The following ANO1 variants were observed in gnomAD, a reference collection of about 807,000 sequenced individuals.
The protein encoded by ANO1 is anoctamin 1, also known as anoctamin-1.
In ANO1, 59 loss-of-function variants were observed where a neutral mutation model predicts 124.0. The observed-to-expected ratio is 0.48, with a 90% CI of 0.39 to 0.59. The LOEUF is 0.59. ANO1 is among the 20% of genes least tolerant of loss of function. The probability of loss-of-function intolerance (pLI) is 0.00; values close to 1 mark genes in which losing one functional copy is unlikely to be tolerated. For synonymous variants in ANO1, 529 were observed against 532.0 expected (o/e 0.99, Z 0.08); for missense variants, 1,059 against 1,328.0 (o/e 0.80, Z 3.15).
At chr11:70,107,291 A>G (rs2045586103) in intron 5 of ANO1, among the ~76,000 whole-genome samples, 1 of 152,110 alleles carries the variant, frequency 6.6e-6, no homozygotes, top group South Asian at 2.1e-4. Flanking sequence ...CTGAGCTAGA[A>G]GACAGAGCCA....
At chr11:70,110,463 G>A (rs1340060948) in intron 6 of ANO1, among the ~76,000 whole-genome samples, 1 of 152,170 alleles carries the variant, frequency 6.6e-6, no homozygotes, top group Non-Finnish European at 1.5e-5. Context: ...TGGGATTACA[G>A]GCGTGAGCCA....
chr11:69,974,237 T>G, the ANO1 span, among the ~76,000 whole-genome samples: 8 of 151,556 alleles, frequency 5.3e-5, no homozygotes, highest in African/African-American at 1.9e-4. Flanking sequence ...GAGAAACGCT[T>G]GAACCTGGGA....
At chr11:70,102,142 A>G (rs980162442) in intron 2 of ANO1, among the ~76,000 whole-genome samples, 2 of 152,222 alleles carry the variant, frequency 1.3e-5, no homozygotes, top group Non-Finnish European at 2.9e-5. Context: ...CGCTGGGGCC[A>G]TCTTTGCATC....
the ANO1 span, among the ~76,000 whole-genome samples, chr11:69,976,507 TAAAAAAAAAAAAAAAAAAAAAAAAAA>T: frequency 4.1e-3 from 304 of 74,182 alleles, 15 homozygotes; most frequent in African/African-American, 5.0e-3. Context: ...ACTCCGTCTC[TAAAAAAAAAAAAAAAAAAAAAAAAAA>T]AAAAAAAAAA....
chr11:70,005,111 T>C (rs1359486828), intron 1 of ANO1, among the ~76,000 whole-genome samples: 5 of 13,474 alleles, frequency 3.7e-4, no homozygotes, highest in Non-Finnish European at 6.7e-4. Context: ...AGATTCCAAC[T>C]CAAAAAAAAA....
intron 4 of ANO1, among the ~76,000 whole-genome samples, chr11:70,104,414 G>A (rs529675169): frequency 6.6e-6 from 1 of 152,294 alleles, no homozygotes; most frequent in Admixed American, 6.5e-5. Flanking sequence ...CCAAAGCAGT[G>A]GTCTAGACAT....
In ANO1 at chr11:70,144,554, A is replaced by G. The variant is rs557842960; in HGVS notation, c.1259-5156A>G. Among the ~76,000 whole-genome samples, 76 of 152,308 alleles carry G rather than the reference A, an allele frequency of 5.0e-4. No homozygotes were observed. The Middle Eastern group carries it at 0.014, about 27-fold the overall frequency. On this transcript the variant is annotated intron_variant, in intron 11 of 25. Transcript: ENST00000355303. ...TCAACTGCTGCCTCTGGACGCCTCT[A>G]TGAGGAGTTTGTGTGACTCTGTGCT...
chr11:70,061,236 C>T (rs1319144843), intron 1 of ANO1, among the ~76,000 whole-genome samples: 3 of 151,894 alleles, frequency 2.0e-5, no homozygotes, highest in Admixed American at 2.0e-4. Context: ...AGGATAGTGT[C>T]CTGCTGGGAA....
At chr11:70,045,836 T>C (rs1258489507) in intron 1 of ANO1, among the ~76,000 whole-genome samples, 1 of 152,150 alleles carries the variant, frequency 6.6e-6, no homozygotes, top group Non-Finnish European at 1.5e-5. Flanking sequence ...GTTAGAAAAA[T>C]TGAGAAAGAT....
At chr11:70,069,049 C>T (rs1400759984) in intron 1 of ANO1, among the ~76,000 whole-genome samples, 3 of 152,242 alleles carry the variant, frequency 2.0e-5, no homozygotes, top group East Asian at 3.8e-4. Flanking sequence ...TATCCCCCTC[C>T]ACAGGGTCCC....
Position 70,161,664 on chromosome 11 carries a change from T to C in ANO1, c.1823T>C (p.Phe608Ser), listed in dbSNP as rs2186797. Residue 608 changes from phenylalanine to serine, a missense_variant, in exon 18 of 26, where the codon TTC becomes TCC. Physicochemically the swap from Phe to Ser is radical, Grantham distance 155. Coordinates refer to ENST00000355303, the MANE Select transcript of ANO1 (RefSeq NM_018043.7). Reference protein sequence around the residue: ...TEKSFEERLIFKAFLLKFVNS... With the variant: ...TEKSFEERLISKAFLLKFVNS... ...AAAAGCTTTGAGGAGAGGCTGATCT[T>C]CAAGGCTTTCCTGCTGAAGTTTGTG... is the stretch of plus-strand genomic sequence containing the variant. 88,040 of 1,613,910 alleles carry C rather than the reference T, an allele frequency of 0.055. 2,815 individuals carry two copies. The highest frequency in any genetic ancestry group is 0.066 in the Non-Finnish European group (77,735 of 1,179,798).
chr11:70,076,517 A>G (rs74480296), upstream of ANO1, among the ~76,000 whole-genome samples: 2,700 of 152,176 alleles, frequency 0.018, 72 homozygotes, highest in African/African-American at 0.06. Context: ...AAGACAGTAC[A>G]TTAGTATTAC....
chr11:70,155,870 A>G (rs10751195), intron 14 of ANO1, 41 bp from the exon 15 acceptor site: 1,035,751 of 1,499,346 alleles, frequency 0.69, 358,895 homozygotes, highest in East Asian at 0.8. Context: ...GCCGCCTCCC[A>G]CTTCACCGCA....
At chr11:70,076,590 G>A (rs990350929), upstream of ANO1, among the ~76,000 whole-genome samples, 6 of 152,164 alleles carry the variant, frequency 3.9e-5, no homozygotes, top group Admixed American at 6.5e-5. Flanking sequence ...CTGTACATGC[G>A]TGTGGGATTC....
chr11:70,188,748 C>T lies in ANO1; in HGVS notation c.*744C>T, dbSNP rs17333347. The T allele has an allele frequency of 0.098, 14,929 of 152,244 alleles. 815 individuals are homozygous for T. Among genetic ancestry groups the T allele is most frequent in the Middle Eastern group, 0.2 (58 of 294 alleles). 9.4% of individuals were successfully genotyped at this position (152,244 alleles called of 1,614,324 possible). On this transcript the variant is annotated 3_prime_UTR_variant, in exon 26 of 26. Transcript: ENST00000355303. ...CCAAGCCGACCTCAGAGTTGTTCAT[C>T]TTCCTTATGGGACAAAACCGGTTGA...
chr11:70,061,867 T>G (rs1555007792), intron 1 of ANO1, among the ~76,000 whole-genome samples: 1 of 151,620 alleles, frequency 6.6e-6, no homozygotes. Context: ...TAGGGGAGGG[T>G]CTCTACCTCT....
chr11:70,145,866 G>A (rs2047352624), intron 11 of ANO1, among the ~76,000 whole-genome samples: 1 of 150,904 alleles, frequency 6.6e-6, no homozygotes, highest in African/African-American at 2.4e-5. Context: ...GAACTCAGGA[G>A]GCAGACGTTG....
intron 1 of ANO1, among the ~76,000 whole-genome samples, chr11:70,082,902 G>A (rs2044246422): frequency 6.6e-6 from 1 of 152,198 alleles, no homozygotes; most frequent in Non-Finnish European, 1.5e-5. Context: ...CTTTTAGAGT[G>A]TAGACGGGAG....
chr11:69,998,896 C>T (rs1249110917), intron 1 of ANO1, among the ~76,000 whole-genome samples: 1 of 151,896 alleles, frequency 6.6e-6, no homozygotes, highest in Non-Finnish European at 1.5e-5. Flanking sequence ...TGCAGTGAGC[C>T]GAGATAGCAC....
Sources: allele counts gnomAD v4.1 joint callset (sites outside exome capture counted in the v4.1 genomes callset), GRCh38; gene constraint gnomAD v4.1.1; transcripts MANE v1.5; gene names NCBI Gene and HGNC (gene_info 2026-07-23, HGNC 2026-07-21).